RIT2: variants seen among roughly 807,000 people sequenced by gnomAD.
The protein encoded by RIT2 is GTP-binding protein Rit2.
RIT2 carries 24 observed loss-of-function variants against 23.7 expected under a neutral mutation model. The observed-to-expected ratio is 1.01, with a 90% CI of 0.73 to 1.43. RIT2 has a LOEUF of 1.43. RIT2 is among the 40% of genes most tolerant of loss of function. RIT2 has a pLI of 0.00. For synonymous variants in RIT2, 107 were observed against 91.1 expected, an observed-to-expected ratio of 1.17 and a Z score of -0.99; for missense variants, 236 against 266.9, an observed-to-expected ratio of 0.88 and a Z score of 0.81.
At chr18:42,878,770 T>C (rs1350908720) in intron 4 of RIT2, among the ~76,000 whole-genome samples, 2 of 152,066 alleles carry the variant, frequency 1.3e-5, no homozygotes, top group Non-Finnish European at 2.9e-5. Context: ...GAGTTTTCTA[T>C]GTTAGGCATT....
chr18:43,031,967 T>C lies in RIT2; in HGVS notation c.160+1844A>G, dbSNP rs189455473. ...TTATGTAGCAGAAGCAGGTGGAAGGTAAATTATTTCAGACTTTTACCTTCT... is the reference window on the plus strand; with the variant it reads ...TTATGTAGCAGAAGCAGGTGGAAGGCAAATTATTTCAGACTTTTACCTTCT... On this transcript the variant is annotated intron_variant, in intron 2 of 4. Transcript: ENST00000326695. Among the ~76,000 whole-genome samples the C allele has an allele frequency of 2.1e-3, 322 of 152,174 alleles. 2 individuals are homozygous for C. Among genetic ancestry groups the C allele is most frequent in the African/African-American group, 7.6e-3 (314 of 41,548 alleles).
intron 1 of RIT2, among the ~76,000 whole-genome samples, chr18:43,101,863 G>A (rs1359145408): frequency 2.6e-5 from 4 of 152,094 alleles, no homozygotes; most frequent in Admixed American, 6.6e-5. Flanking sequence ...ATATTAGATC[G>A]TTTAAGCTCA....
chr18:42,893,147 A>G (rs991096678), intron 4 of RIT2, among the ~76,000 whole-genome samples: 4 of 150,420 alleles, frequency 2.7e-5, no homozygotes, highest in African/African-American at 9.8e-5. Flanking sequence ...AGAATCGCTT[A>G]AACCCAGAAG....
chr18:42,798,498 T>G (rs1207851127), intron 4 of RIT2, among the ~76,000 whole-genome samples: 1 of 152,242 alleles, frequency 6.6e-6, no homozygotes, highest in African/African-American at 2.4e-5. Flanking sequence ...TTTTCCCTCC[T>G]AATGTCTATT....
chr18:42,890,257 C>T (rs1472290346), intron 4 of RIT2, among the ~76,000 whole-genome samples: 1 of 151,684 alleles, frequency 6.6e-6, no homozygotes, highest in African/African-American at 2.4e-5. Context: ...TGGACTATTC[C>T]CTATCATCAT....
At chr18:42,846,668 C>T (rs1906917662) in intron 4 of RIT2, among the ~76,000 whole-genome samples, 1 of 151,888 alleles carries the variant, frequency 6.6e-6, no homozygotes, top group South Asian at 2.1e-4. Flanking sequence ...TTTTTGTGAA[C>T]AGAAGAAGGA....
intron 4 of RIT2, among the ~76,000 whole-genome samples, chr18:42,888,426 T>C (rs1908080807): frequency 6.6e-6 from 1 of 152,062 alleles, no homozygotes; most frequent in South Asian, 2.1e-4. Flanking sequence ...ATCTGAGAAA[T>C]CTCCAGACTG....
At chr18:43,039,620 T>G (rs1297295423) in intron 1 of RIT2, among the ~76,000 whole-genome samples, 2 of 152,142 alleles carry the variant, frequency 1.3e-5, no homozygotes, top group Non-Finnish European at 2.9e-5. Context: ...AATGCTGGGA[T>G]TACAGGCGTG....
chr18:42,755,146 T>C (rs1913132090), intron 4 of RIT2, among the ~76,000 whole-genome samples: 1 of 152,196 alleles, frequency 6.6e-6, no homozygotes, highest in African/African-American at 2.4e-5. Flanking sequence ...GGTTTGTCTG[T>C]TCACTGTCTG....
intron 1 of RIT2, among the ~76,000 whole-genome samples, chr18:43,095,822 C>CAGA (rs1913538976): frequency 6.6e-6 from 1 of 151,880 alleles, no homozygotes; most frequent in Non-Finnish European, 1.5e-5. Flanking sequence ...TCTGGAAATA[C>CAGA]TTATGTACAG....
chr18:42,995,913 G>T (rs1910972256), intron 2 of RIT2, among the ~76,000 whole-genome samples: 1 of 152,142 alleles, frequency 6.6e-6, no homozygotes, highest in African/African-American at 2.4e-5. Context: ...TGTTTACACT[G>T]CTGGTTTACA....
chr18:42,882,752 A>G (rs2144081626), intron 4 of RIT2, among the ~76,000 whole-genome samples: 1 of 152,296 alleles, frequency 6.6e-6, no homozygotes, highest in East Asian at 1.9e-4. Context: ...GAAGAGGACC[A>G]CAGTCTAATG....
intron 1 of RIT2, among the ~76,000 whole-genome samples, chr18:43,036,083 G>A (rs1216643742): frequency 6.6e-6 from 1 of 152,188 alleles, no homozygotes; most frequent in African/African-American, 2.4e-5. Context: ...ATGCAATTGG[G>A]AAGGAATTGT....
chr18:42,955,852 C>T (rs1909959590), intron 3 of RIT2, among the ~76,000 whole-genome samples: 1 of 152,128 alleles, frequency 6.6e-6, no homozygotes, highest in Admixed American at 6.6e-5. Flanking sequence ...TCCCTCTTTC[C>T]AAGCTCCTGG....
chr18:42,806,208 C>G (rs1394236605), intron 4 of RIT2, among the ~76,000 whole-genome samples: 1 of 150,996 alleles, frequency 6.6e-6, no homozygotes, highest in Non-Finnish European at 1.5e-5. Flanking sequence ...GTGACTCATG[C>G]TTGTAATCCC....
At chr18:42,933,190 G>A (rs186485482) in intron 3 of RIT2, among the ~76,000 whole-genome samples, 1 of 151,846 alleles carries the variant, frequency 6.6e-6, no homozygotes. Context: ...ATGTATTCTG[G>A]AACACAGGCA....
chr18:42,884,098 G>A (rs561530804), intron 4 of RIT2, among the ~76,000 whole-genome samples: 77 of 152,312 alleles, frequency 5.1e-4, no homozygotes, highest in African/African-American at 1.8e-3. Flanking sequence ...CGTTCTCCAG[G>A]AGAAAAAGCC....
chr18:43,085,330 C>A (rs1035913768), intron 1 of RIT2, among the ~76,000 whole-genome samples: 1 of 151,964 alleles, frequency 6.6e-6, no homozygotes, highest in South Asian at 2.1e-4. Context: ...ACCTCACAAC[C>A]TTATTGGGTT....
intron 4 of RIT2, among the ~76,000 whole-genome samples, chr18:42,914,969 T>C (rs1908867067): frequency 6.7e-6 from 1 of 148,558 alleles, no homozygotes; most frequent in Non-Finnish European, 1.5e-5. Flanking sequence ...AAAAGCTGGA[T>C]TATGTAATTC....
Sources: gnomAD v4.1 joint callset for allele counts (sites outside exome capture counted in the v4.1 genomes callset) on GRCh38, gnomAD v4.1.1 for gene constraint, MANE v1.5 for transcripts, NCBI Gene and HGNC (gene_info 2026-07-23, HGNC 2026-07-21) for gene names.